ASAP1: variants seen among roughly 807,000 people sequenced by gnomAD.
ASAP1 encodes ArfGAP with SH3 domain, ankyrin repeat and PH domain 1, also known as arf-GAP with SH3 domain, ANK repeat and PH domain-containing protein 1.
In ASAP1, 43 loss-of-function variants were observed where a neutral mutation model predicts 145.2. The ratio of observed to expected loss-of-function variants is 0.30; its 90% confidence interval spans 0.23 to 0.38. ASAP1 has a LOEUF of 0.38. Among genes scored for constraint, ASAP1 ranks in the 10% least tolerant of loss-of-function variants. The pLI is 1.00. For synonymous variants in ASAP1, 546 were observed against 515.5 expected (o/e 1.06, Z -0.80); for missense variants, 1,018 against 1,355.3 (o/e 0.75, Z 3.91).
intron 3 of ASAP1, among the ~76,000 whole-genome samples, chr8:130,289,705 T>C (rs1821835315): frequency 6.6e-6 from 1 of 152,206 alleles, no homozygotes; most frequent in African/African-American, 2.4e-5. Context: ...AACTCTCAAA[T>C]CACCTGAAGT....
At chr8:130,116,388 A>T (rs1222723603) in intron 22 of ASAP1, among the ~76,000 whole-genome samples, 1 of 152,230 alleles carries the variant, frequency 6.6e-6, no homozygotes, top group Non-Finnish European at 1.5e-5. Context: ...AGCTGCAGAG[A>T]AAGTCTAATG....
intron 4 of ASAP1, among the ~76,000 whole-genome samples, chr8:130,230,022 T>C (rs1239019740): frequency 6.6e-6 from 1 of 151,824 alleles, no homozygotes; most frequent in African/African-American, 2.4e-5. Context: ...TGAGACTGCG[T>C]TACTGCTCTC....
In ASAP1 at chr8:130,108,414, T is replaced by C. The variant is rs922796880; in HGVS notation, c.2401+3680A>G. On this transcript the variant is annotated intron_variant, in intron 24 of 29. Coordinates refer to ENST00000518721, the MANE Select transcript of ASAP1 (RefSeq NM_018482.4). ...AGCATGTTAAAGAAGGTTCTTGAGA[T>C]TGGAATTATCATTCTTTTACTTAAC... Among the ~76,000 whole-genome samples, 7 of 152,348 alleles carry C rather than the reference T, an allele frequency of 4.6e-5. No homozygotes were observed. The East Asian group carries it at 5.8e-4, about 13-fold the overall frequency.
intron 13 of ASAP1, among the ~76,000 whole-genome samples, chr8:130,138,836 C>CAAAAAAAAAA (rs754901058): frequency 1.2e-5 from 1 of 81,430 alleles, no homozygotes. Context: ...AACTCCGTCT[C>CAAAAAAAAAA]AAAAAAAAAA....
At chr8:130,085,174 G>C (rs1386059989) in intron 25 of ASAP1, among the ~76,000 whole-genome samples, 2 of 152,178 alleles carry the variant, frequency 1.3e-5, no homozygotes, top group African/African-American at 2.4e-5. Flanking sequence ...ATTAATTCAA[G>C]AGTGTTAGAA....
intron 1 of ASAP1, among the ~76,000 whole-genome samples, chr8:130,419,396 T>C (rs908523158): frequency 6.6e-6 from 1 of 152,190 alleles, no homozygotes; most frequent in Non-Finnish European, 1.5e-5. Flanking sequence ...AGAAAGCCCT[T>C]TCTCTTTTGT....
intron 2 of ASAP1, 124 bp downstream of exon 2, chr8:130,401,759 GCA>G: frequency 1.2e-6 from 1 of 809,748 alleles, no homozygotes; most frequent in Non-Finnish European, 2.0e-6. Flanking sequence ...TAACAATCGT[GCA>G]CACAGTCTCT....
chr8:130,344,167 A>G (rs1825560563), intron 3 of ASAP1, among the ~76,000 whole-genome samples: 1 of 152,242 alleles, frequency 6.6e-6, no homozygotes, highest in Non-Finnish European at 1.5e-5. Flanking sequence ...TCTTTGGCAA[A>G]TGAATTACAA....
At chr8:130,396,928 G>A (rs1828556174) in intron 2 of ASAP1, among the ~76,000 whole-genome samples, 1 of 152,112 alleles carries the variant, frequency 6.6e-6, no homozygotes, top group South Asian at 2.1e-4. Context: ...CTGAACATAA[G>A]GCCAACTGAT....
intron 3 of ASAP1, among the ~76,000 whole-genome samples, chr8:130,287,169 G>T (rs1312326214): frequency 7.3e-6 from 1 of 136,176 alleles, no homozygotes; most frequent in Non-Finnish European, 1.6e-5. Context: ...AAGAGTTCAA[G>T]GACTGAACTT....
Position 130,160,849 on chromosome 8 carries a change from T to C in ASAP1, c.910-885A>G, listed in dbSNP as rs867798118. ...AAAAAAGGCAGAACATTTGAAAATA[T>C]AGTTAATTTCATTGAAAATGTTATC... On this transcript the variant is annotated intron_variant, in intron 11 of 29. Transcript: ENST00000518721. 143 of 1,220,394 alleles carry C rather than the reference T, an allele frequency of 1.2e-4. 1 individual carries two copies. In the Middle Eastern group the frequency reaches 5.9e-3, roughly 50 times the overall value. 75.6% of individuals were successfully genotyped at this position (1,220,394 alleles called of 1,614,324 possible).
chr8:130,233,565 T>C (rs913333051), intron 4 of ASAP1, among the ~76,000 whole-genome samples: 1 of 152,186 alleles, frequency 6.6e-6, no homozygotes, highest in African/African-American at 2.4e-5. Flanking sequence ...ACAGTATAAA[T>C]ACAAAATGAA....
chr8:130,123,547 T>C (rs190979647), intron 18 of ASAP1, among the ~76,000 whole-genome samples: 131 of 152,350 alleles, frequency 8.6e-4, no homozygotes, highest in African/African-American at 3.1e-3. Context: ...TAAATACTTT[T>C]CTTTGTTCTG....
At chr8:130,273,716 T>TC (rs1330175539) in intron 3 of ASAP1, among the ~76,000 whole-genome samples, 1 of 152,170 alleles carries the variant, frequency 6.6e-6, no homozygotes, top group East Asian at 1.9e-4. Flanking sequence ...AGGTCACACT[T>TC]CGAGGAGAAC....
At chr8:130,248,199 T>C (rs1818968996) in intron 3 of ASAP1, among the ~76,000 whole-genome samples, 1 of 151,574 alleles carries the variant, frequency 6.6e-6, no homozygotes, top group South Asian at 2.1e-4. Context: ...ATTCAGTCTG[T>C]GCTGAGGAAT....
At chr8:130,340,670 T>C (rs1825318585) in intron 3 of ASAP1, among the ~76,000 whole-genome samples, 1 of 152,212 alleles carries the variant, frequency 6.6e-6, no homozygotes. Flanking sequence ...AGAAACTTGG[T>C]TTGAAACTTA....
Position 130,054,603 on chromosome 8 carries a change from C to G in ASAP1, c.*128G>C, listed in dbSNP as rs1361745070. On this transcript the variant is annotated 3_prime_UTR_variant, in exon 30 of 30. Coordinates refer to ENST00000518721, the MANE Select transcript of ASAP1 (RefSeq NM_018482.4). ...TATTTACAACACACATTATATCCCC[C>G]TCCTGAGGTGGCCCTTCCATGAGTT... The G allele has an allele frequency of 2.6e-6, 2 of 757,804 alleles. No homozygotes were observed. The highest frequency in any genetic ancestry group is 2.3e-6 in the Non-Finnish European group (1 of 431,286). The allele number at this position is 757,804 out of a possible 1,614,324, so 46.9% of individuals were successfully genotyped here. A position where few individuals can be genotyped will look rare whatever the true frequency, so the allele number is the denominator to read the frequency against.
chr8:130,252,230 TATC>T (rs1819241251), intron 3 of ASAP1, among the ~76,000 whole-genome samples: 1 of 152,094 alleles, frequency 6.6e-6, no homozygotes, highest in Non-Finnish European at 1.5e-5. Context: ...TATGTGCAGA[TATC>T]ATAAAATATC....
At chr8:130,330,235 A>C (rs1228251305) in intron 3 of ASAP1, among the ~76,000 whole-genome samples, 3 of 152,194 alleles carry the variant, frequency 2.0e-5, no homozygotes, top group Admixed American at 6.5e-5. Flanking sequence ...TACCCATCTA[A>C]TGGGAGTCTC....
Sources: allele counts gnomAD v4.1 joint callset (sites outside exome capture counted in the v4.1 genomes callset), GRCh38; gene constraint gnomAD v4.1.1; transcripts MANE v1.5; gene names NCBI Gene and HGNC (gene_info 2026-07-23, HGNC 2026-07-21).